NRXN3: variants seen among roughly 807,000 people sequenced by gnomAD.
NRXN3 encodes neurexin 3.
A neutral mutation model predicts 137.6 loss-of-function variants in NRXN3; 32 were observed. That is an observed-to-expected ratio of 0.23 (90% confidence interval 0.18 to 0.31). The LOEUF is 0.31. Among genes scored for constraint, NRXN3 ranks in the 10% least tolerant of loss-of-function variants. The pLI, the probability that NRXN3 is intolerant of heterozygous loss-of-function variation, is 1.00. For missense variants in NRXN3, 1,574 were observed against 2,062.5 expected, an observed-to-expected ratio of 0.76 and a Z score of 4.59; for synonymous variants, 798 against 784.5, an observed-to-expected ratio of 1.02 and a Z score of -0.29.
chr14:78,913,936 T>A (rs1284600602), intron 10 of NRXN3, among the ~76,000 whole-genome samples: 2 of 152,096 alleles, frequency 1.3e-5, no homozygotes, highest in African/African-American at 4.8e-5. Context: ...ATGTATTGGC[T>A]CCCTGGCAGC....
intron 1 of NRXN3, among the ~76,000 whole-genome samples, chr14:78,174,801 C>G (rs867448625): frequency 7.9e-5 from 12 of 152,252 alleles, no homozygotes; most frequent in Admixed American, 2.0e-4. Context: ...AGCAGGAAGC[C>G]TCAAATGAGA....
chr14:78,174,558 T>C (rs1298589409), intron 1 of NRXN3, among the ~76,000 whole-genome samples: 2 of 152,142 alleles, frequency 1.3e-5, no homozygotes, highest in African/African-American at 4.8e-5. Context: ...GTGCCTCCAA[T>C]TGGACAACAT....
At chr14:78,326,556 G>A (rs1282937040) in intron 4 of NRXN3, among the ~76,000 whole-genome samples, 2 of 151,988 alleles carry the variant, frequency 1.3e-5, no homozygotes, top group African/African-American at 2.4e-5. Context: ...AGTAATTGAA[G>A]GGAAAAAAAG....
chr14:78,543,781 G>A (rs529469757), intron 4 of NRXN3, among the ~76,000 whole-genome samples: 3 of 152,060 alleles, frequency 2.0e-5, no homozygotes, highest in Non-Finnish European at 2.9e-5. Context: ...TTCTCATTTC[G>A]TTAATCCTAG....
intron 15 of NRXN3, among the ~76,000 whole-genome samples, chr14:79,369,374 G>T (rs985312199): frequency 1.3e-5 from 2 of 152,154 alleles, no homozygotes; most frequent in African/African-American, 4.8e-5. Context: ...GATTGGTAGT[G>T]ACTTCAATGT....
At chr14:78,220,016 G>A (rs1043251823) in intron 1 of NRXN3, among the ~76,000 whole-genome samples, 3 of 152,130 alleles carry the variant, frequency 2.0e-5, no homozygotes, top group African/African-American at 7.2e-5. Context: ...CAGAACATAA[G>A]AAAATTGATT....
At chr14:79,199,262 T>C (rs1182600605) in intron 15 of NRXN3, among the ~76,000 whole-genome samples, 1 of 152,208 alleles carries the variant, frequency 6.6e-6, no homozygotes, top group Non-Finnish European at 1.5e-5. Flanking sequence ...CCTTCTTGTC[T>C]CTCTATTTTT....
chr14:79,504,662 T>TATATATATATATAA (rs2096858566), intron 16 of NRXN3, among the ~76,000 whole-genome samples: 1 of 142,330 alleles, frequency 7.0e-6, no homozygotes, highest in African/African-American at 2.6e-5. Flanking sequence ...TATGTATATA[T>TATATATATATATAA]ATATATATAT....
rs71452901 is a variant in NRXN3 at position 78,726,515 on chromosome 14, C to CTTTTT, written c.2044+11392_2044+11396dup. Among the ~76,000 whole-genome samples the CTTTTT allele has an allele frequency of 1.6e-3, 159 of 102,452 alleles. 1 individual carries two copies. Among genetic ancestry groups the CTTTTT allele is most frequent in the Non-Finnish European group, 1.8e-3 (97 of 54,818 alleles). 67.2% of individuals were successfully genotyped at this position (102,452 alleles called of 152,430 possible). A position where few individuals can be genotyped will look rare whatever the true frequency, so the allele number is the denominator to read the frequency against. ...CATAACATAACATTTACCATTTTAG[C>CTTTTT]TTTTTTTTTTTTTTTTTTTTGAGAG... On this transcript the variant is annotated intron_variant, in intron 8 of 20. Transcript: ENST00000335750.
intron 10 of NRXN3, among the ~76,000 whole-genome samples, chr14:78,874,459 A>G (rs2099108920): frequency 1.3e-5 from 2 of 152,018 alleles, no homozygotes; most frequent in Admixed American, 6.6e-5. Flanking sequence ...AAAATTTTCA[A>G]CCCTTTTCAT....
chr14:79,683,771 C>T (rs567015866), intron 17 of NRXN3, among the ~76,000 whole-genome samples: 5 of 152,282 alleles, frequency 3.3e-5, no homozygotes, highest in African/African-American at 1.2e-4. Context: ...GCATCAGTTA[C>T]TCTCTGGCTC....
intron 4 of NRXN3, among the ~76,000 whole-genome samples, chr14:78,341,114 A>G (rs2082099866): frequency 6.6e-6 from 1 of 152,128 alleles, no homozygotes; most frequent in South Asian, 2.1e-4. Context: ...GACAGTTTGT[A>G]TTTTATTTTG....
chr14:78,443,999 G>T (rs935909301), intron 4 of NRXN3, among the ~76,000 whole-genome samples: 20 of 152,156 alleles, frequency 1.3e-4, no homozygotes, highest in Non-Finnish European at 2.9e-5. Context: ...TTGTCACATT[G>T]TCCTCTAGTA....
At chr14:79,506,348 T>C (rs1371691993) in intron 16 of NRXN3, among the ~76,000 whole-genome samples, 1 of 152,148 alleles carries the variant, frequency 6.6e-6, no homozygotes, top group Non-Finnish European at 1.5e-5. Context: ...TACACAGAAT[T>C]ATGAAAGATC....
chr14:78,863,028 A>G (rs1258179800), intron 10 of NRXN3, among the ~76,000 whole-genome samples: 3 of 152,114 alleles, frequency 2.0e-5, no homozygotes, highest in African/African-American at 7.2e-5. Context: ...AGAGGATAAT[A>G]CATTTCTGAT....
At chr14:78,518,962 G>T (rs2096249937) in intron 4 of NRXN3, among the ~76,000 whole-genome samples, 1 of 151,948 alleles carries the variant, frequency 6.6e-6, no homozygotes, top group Non-Finnish European at 1.5e-5. Context: ...CCTTAATCAG[G>T]AACTGTCACT....
intron 15 of NRXN3, among the ~76,000 whole-genome samples, chr14:79,391,730 T>C (rs529656289): frequency 1.3e-5 from 2 of 152,346 alleles, no homozygotes; most frequent in East Asian, 3.9e-4. Context: ...CAGATTCATA[T>C]CTTCTCCATT....
chr14:79,413,477 G>A (rs991538423), intron 15 of NRXN3, among the ~76,000 whole-genome samples: 3 of 152,046 alleles, frequency 2.0e-5, no homozygotes, highest in African/African-American at 7.2e-5. Context: ...TGTTGGTGCT[G>A]TAAATGTACA....
At position 78,630,597 on chromosome 14, in the gene NRXN3, C is replaced by CCTTCT. The variant is rs2097510451; in HGVS notation, c.758-14523_758-14522insCTTCT. Among the ~76,000 whole-genome samples, 4 of 127,840 alleles carry CCTTCT rather than the reference C, an allele frequency of 3.1e-5. No individual in the cohort carries two copies. The South Asian group carries it at 9.5e-4, about 30-fold the overall frequency. 83.9% of individuals were successfully genotyped at this position (127,840 alleles called of 152,430 possible). A position where few individuals can be genotyped will look rare whatever the true frequency, so the allele number is the denominator to read the frequency against. On this transcript the variant is annotated intron_variant, in intron 4 of 20. Coordinates refer to ENST00000335750, the MANE Select transcript of NRXN3 (RefSeq NM_001330195.2). ...TCTTCTTATTTTTCTTTCTTTCTTT[C>CCTTCT]TTTTTTTTTTTTTTTTGTTGTTTTT...
Sources: gnomAD v4.1 joint callset for allele counts (sites outside exome capture counted in the v4.1 genomes callset) on GRCh38, gnomAD v4.1.1 for gene constraint, MANE v1.5 for transcripts, NCBI Gene and HGNC (gene_info 2026-07-23, HGNC 2026-07-21) for gene names.